Variants in LAMA4 observed in about 807,000 individuals in gnomAD.
The protein encoded by LAMA4 is laminin subunit alpha 4.
Under a neutral mutation model 207.1 loss-of-function variants are expected in LAMA4, and 127 were observed. The observed-to-expected ratio is 0.61, with a 90% CI of 0.53 to 0.71. The LOEUF (loss-of-function observed/expected upper bound fraction) is 0.71, where lower values mean the gene tolerates loss of function less well. Ranked by LOEUF, LAMA4 falls within the 30% of genes least tolerant of loss-of-function variation. The pLI, the probability that LAMA4 is intolerant of heterozygous loss-of-function variation, is 0.00. For synonymous variants in LAMA4, 761 were observed against 816.0 expected (o/e 0.93, Z 1.15); for missense variants, 2,093 against 2,246.5 (o/e 0.93, Z 1.38).
At chr6:112,113,520 A>G (rs1189946840) in intron 38 of LAMA4, among the ~76,000 whole-genome samples, 3 of 152,214 alleles carry the variant, frequency 2.0e-5, no homozygotes, top group African/African-American at 7.2e-5. Context: ...ACCATCCGGG[A>G]TTATACACCA....
At chr6:112,121,228 G>A (rs1778337726) in intron 32 of LAMA4, among the ~76,000 whole-genome samples, 1 of 152,036 alleles carries the variant, frequency 6.6e-6, no homozygotes, top group Non-Finnish European at 1.5e-5. Flanking sequence ...TTAATTAATG[G>A]ATACCACATG....
chr6:112,183,076 T>C (rs1195311387), intron 9 of LAMA4, among the ~76,000 whole-genome samples: 4 of 152,184 alleles, frequency 2.6e-5, no homozygotes, highest in Non-Finnish European at 5.9e-5. Flanking sequence ...TTGGGTCACA[T>C]GAAATCCATG....
intron 38 of LAMA4, among the ~76,000 whole-genome samples, chr6:112,112,652 G>A (rs2114544792): frequency 7.1e-6 from 1 of 140,318 alleles, no homozygotes; most frequent in Non-Finnish European, 1.6e-5. Flanking sequence ...GGGAGTGGAA[G>A]CAGGAGACAA....
intron 32 of LAMA4, among the ~76,000 whole-genome samples, chr6:112,121,157 T>C (rs1055155490): frequency 1.3e-5 from 2 of 151,970 alleles, no homozygotes; most frequent in Non-Finnish European, 2.9e-5. Flanking sequence ...TAGTGAATAA[T>C]ACAAATAATA....
chr6:112,159,188 C>T (rs981766667), intron 13 of LAMA4, among the ~76,000 whole-genome samples: 7 of 152,174 alleles, frequency 4.6e-5, no homozygotes, highest in Admixed American at 2.6e-4. Context: ...TACTACAATA[C>T]TTTTCTGCTC....
At chr6:112,199,021 C>T (rs1783581107) in intron 5 of LAMA4, among the ~76,000 whole-genome samples, 5 of 152,166 alleles carry the variant, frequency 3.3e-5, no homozygotes, top group Admixed American at 2.6e-4. Flanking sequence ...ATGCTCAAAT[C>T]TCTTCTTTTC....
chr6:112,111,576 G>C (rs1381859592), intron 38 of LAMA4, among the ~76,000 whole-genome samples: 3 of 152,096 alleles, frequency 2.0e-5, no homozygotes, highest in Non-Finnish European at 2.9e-5. Flanking sequence ...GATTTTAGTG[G>C]AATTAATCTT....
intron 35 of LAMA4, among the ~76,000 whole-genome samples, chr6:112,116,410 A>G (rs1194788705): frequency 3.3e-5 from 5 of 152,224 alleles, no homozygotes; most frequent in African/African-American, 7.2e-5. Flanking sequence ...TGTCCCTGCC[A>G]GGGGAGAAGG....
chr6:112,150,172 A>T (rs1780295694), intron 17 of LAMA4, among the ~76,000 whole-genome samples: 1 of 150,522 alleles, frequency 6.6e-6, no homozygotes, highest in African/African-American at 2.5e-5. Context: ...GCCATTACCA[A>T]ACACTATAAA....
At chr6:112,159,195 G>T (rs782255145) in intron 13 of LAMA4, among the ~76,000 whole-genome samples, 2 of 151,994 alleles carry the variant, frequency 1.3e-5, no homozygotes, top group Non-Finnish European at 2.9e-5. Context: ...ATACTTTTCT[G>T]CTCTCTTCAT....
At chr6:112,209,129 C>G (rs1213004302) in intron 3 of LAMA4, among the ~76,000 whole-genome samples, 1 of 152,156 alleles carries the variant, frequency 6.6e-6, no homozygotes, top group East Asian at 1.9e-4. Context: ...ACCAATGAGC[C>G]TTACCCAACT....
At position 112,158,778 on chromosome 6, in the gene LAMA4, T is replaced by C. The variant is rs540186601; in HGVS notation, c.1771A>G (p.Ile591Val). 6.2e-7 allele frequency: 1 copy of C among 1,613,884 alleles called. No homozygotes were observed. The highest frequency in any genetic ancestry group is 2.2e-5 in the East Asian group (1 of 44,854). ...NLSHDLVQEA[I>V]DHAQDLQQEA... ...TGTTGAAGGTCCTGTGCATGGTCAA[T>C]AGCTTCTTGGACTAAATCATGGCTG... Residue 591 changes from isoleucine (I) to valine (V), a missense_variant, in exon 14 of 39, where the codon ATT becomes GTT. Ile to Val is a conservative substitution (Grantham distance 29). Coordinates refer to ENST00000230538, the MANE Select transcript of LAMA4 (RefSeq NM_001105206.3).
rs1562683207 is a variant in LAMA4, at chr6:112,165,232, C to T, written c.1596G>A (p.Met532Ile). The change falls in exon 13 of 39, where the codon ATG becomes ATA. Residue 532 changes from methionine to isoleucine, a missense_variant. Coordinates refer to ENST00000230538, the MANE Select transcript of LAMA4 (RefSeq NM_001105206.3). ...GAGAGTCCGCAGATGTGCTCAGAGA[C>T]ATGTTCACCACTTCCATTTGTTCCC... Reference protein sequence around the residue: ...RVREQMEVVNMSLSTSADSLT... With the variant: ...RVREQMEVVNISLSTSADSLT... 1 of 1,613,712 alleles carries T rather than the reference C, an allele frequency of 6.2e-7. No homozygotes were observed. Among genetic ancestry groups the T allele is most frequent in the Non-Finnish European group, 8.5e-7 (1 of 1,179,610 alleles).
intron 16 of LAMA4, among the ~76,000 whole-genome samples, chr6:112,151,286 A>G (rs200504533): frequency 1.3e-5 from 2 of 152,308 alleles, no homozygotes; most frequent in East Asian, 1.9e-4. Flanking sequence ...TATCTGTCTT[A>G]ATTATTACTA....
In LAMA4 at chr6:112,150,202, G is replaced by GACAC. The variant is rs68144829; in HGVS notation, c.2173+305_2173+308dup. The stretch of plus-strand genomic sequence containing the variant: ...TATAAACAGCATGATCCCATTAAAA[G>GACAC]ACACACACACACACACACACACACA... On this transcript the variant is annotated intron_variant, in intron 17 of 38. Coordinates refer to ENST00000230538, the MANE Select transcript of LAMA4 (RefSeq NM_001105206.3). Among the ~76,000 whole-genome samples, 14,387 of 142,926 alleles carry GACAC rather than the reference G, an allele frequency of 0.1. 677 individuals are homozygous for GACAC. The highest frequency in any genetic ancestry group is 0.17 in the Middle Eastern group (46 of 274). The allele number at this position is 142,926 out of a possible 152,430, so 93.8% of individuals were successfully genotyped here. A position where few individuals can be genotyped will look rare whatever the true frequency, so the allele number is the denominator to read the frequency against.
Position 112,109,104 on chromosome 6 carries a change from C to T in LAMA4, c.*333G>A, listed in dbSNP as rs1444509416. 4.4e-5 allele frequency: 13 copies of T among 296,500 alleles called. No individual in the cohort carries two copies. Among genetic ancestry groups the T allele is most frequent in the Admixed American group, 1.9e-4 (4 of 20,936 alleles). 18.4% of individuals were successfully genotyped at this position (296,500 alleles called of 1,614,324 possible). ...AGAAAGGTGAATCTGAGAATCTAGC[C>T]GCACTTCAAAAATGTGTGCAAGTGT... On this transcript the variant is annotated 3_prime_UTR_variant, in exon 39 of 39. Coordinates refer to ENST00000230538, the MANE Select transcript of LAMA4 (RefSeq NM_001105206.3).
chr6:112,253,693 C>G, intron 2 of LAMA4: 4 of 1,550,034 alleles, frequency 2.6e-6, no homozygotes, highest in Non-Finnish European at 3.6e-6. Flanking sequence ...GAGAGTCTAG[C>G]GGATGAACTC....
chr6:112,121,975 A>T (rs202129221), intron 32 of LAMA4, 39 bp downstream of exon 32: 1 of 1,559,492 alleles, frequency 6.4e-7, no homozygotes, highest in East Asian at 2.2e-5. Flanking sequence ...GAGCCCAGCC[A>T]TGTCATTAGG....
intron 17 of LAMA4, among the ~76,000 whole-genome samples, chr6:112,149,999 T>C (rs1780281741): frequency 6.6e-6 from 1 of 152,212 alleles, no homozygotes; most frequent in Non-Finnish European, 1.5e-5. Context: ...TTTCTCTATT[T>C]GGGCTTGTTG....
Sources: gnomAD v4.1 joint callset for allele counts (sites outside exome capture counted in the v4.1 genomes callset) on GRCh38, gnomAD v4.1.1 for gene constraint, MANE v1.5 for transcripts, NCBI Gene and HGNC (gene_info 2026-07-23, HGNC 2026-07-21) for gene names.